DOCK9: variants seen among roughly 807,000 people sequenced by gnomAD.
DOCK9 encodes the protein dedicator of cytokinesis 9.
A neutral mutation model predicts 263.3 loss-of-function variants in DOCK9; 89 were observed. That is an observed-to-expected ratio of 0.34 (90% CI 0.28 to 0.40). The LOEUF (loss-of-function observed/expected upper bound fraction) is 0.40, where lower values mean the gene tolerates loss of function less well. Among genes scored for constraint, DOCK9 ranks in the 10% least tolerant of loss-of-function variants. The pLI, the probability that DOCK9 is intolerant of heterozygous loss-of-function variation, is 1.00. For missense variants in DOCK9, 2,140 were observed against 2,603.4 expected (o/e 0.82, Z 3.87); for synonymous variants, 976 against 973.1 (o/e 1.00, Z -0.06).
At chr13:98,901,700 T>C in intron 13 of DOCK9, 78 bp downstream of exon 13, 1 of 1,479,624 alleles carries the variant, frequency 6.8e-7, no homozygotes, top group African/African-American at 1.4e-5. Flanking sequence ...TTTGATTTCA[T>C]TAAGGATTTA....
At chr13:98,950,598 C>T (rs891048331) in intron 2 of DOCK9, among the ~76,000 whole-genome samples, 8 of 152,198 alleles carry the variant, frequency 5.3e-5, no homozygotes, top group African/African-American at 1.7e-4. Flanking sequence ...CCAACGAACC[C>T]GGCCCAACAC....
chr13:98,971,884 T>C (rs901965846), intron 1 of DOCK9, among the ~76,000 whole-genome samples: 2 of 152,214 alleles, frequency 1.3e-5, no homozygotes, highest in South Asian at 2.1e-4. Context: ...ATGACCACCA[T>C]TGTCTTCATG....
chr13:98,976,606 G>A (rs1389315458), intron 1 of DOCK9, among the ~76,000 whole-genome samples: 2 of 152,216 alleles, frequency 1.3e-5, no homozygotes, highest in East Asian at 3.8e-4. Context: ...AGAGAAGTGG[G>A]CTATTATATT....
chr13:98,968,085 G>T (rs1449538209), intron 1 of DOCK9, among the ~76,000 whole-genome samples: 1 of 152,134 alleles, frequency 6.6e-6, no homozygotes, highest in East Asian at 1.9e-4. Flanking sequence ...TGATCGGTGT[G>T]GTAGCTACTA....
intron 1 of DOCK9, among the ~76,000 whole-genome samples, chr13:98,961,280 G>A (rs2141115795): frequency 6.6e-6 from 1 of 152,312 alleles, no homozygotes; most frequent in South Asian, 2.1e-4. Context: ...GCAGATGCAA[G>A]GTTTCCAGTC....
intron 9 of DOCK9, among the ~76,000 whole-genome samples, chr13:98,912,154 G>A (rs1252710507): frequency 9.2e-5 from 14 of 152,122 alleles, no homozygotes; most frequent in Non-Finnish European, 1.5e-4. Flanking sequence ...TTACAGGCAT[G>A]AGCCACTATG....
At chr13:99,071,750 A>G (rs1382483697) in intron 1 of DOCK9, among the ~76,000 whole-genome samples, 2 of 152,148 alleles carry the variant, frequency 1.3e-5, no homozygotes, top group Non-Finnish European at 2.9e-5. Flanking sequence ...TCTATATAGT[A>G]CCAATCCTTC....
At chr13:98,833,757 A>AACT (rs1452934022) in intron 39 of DOCK9, among the ~76,000 whole-genome samples, 1 of 152,198 alleles carries the variant, frequency 6.6e-6, no homozygotes, top group Non-Finnish European at 1.5e-5. Context: ...CCGGTTTCCT[A>AACT]ACTACTTGCT....
chr13:98,831,435 C>T lies in DOCK9; in HGVS notation c.4548G>A (p.Arg1516=), dbSNP rs267603875. 4 of 1,600,616 alleles carry T rather than the reference C, an allele frequency of 2.5e-6. No individual in the cohort carries two copies. Among genetic ancestry groups the T allele is most frequent in the Non-Finnish European group, 3.4e-6 (4 of 1,173,184 alleles). The change falls in exon 41 of 53, where the codon AGG becomes AGA. Residue 1516 remains arginine, a synonymous_variant. Transcript: ENST00000682017. ...KCCNSKLSSI[R]TEASQLLYFL... ...AGTAGAGCAGCTGGGAGGCCTCCGT[C>T]CTGATGGAGCTCAGCTTGGAGTTAC...
chr13:99,074,538 C>T (rs1487709742), intron 1 of DOCK9, among the ~76,000 whole-genome samples: 1 of 152,202 alleles, frequency 6.6e-6, no homozygotes, highest in African/African-American at 2.4e-5. Flanking sequence ...TCGCCCCACT[C>T]CGTGCCCAGC....
intron 27 of DOCK9, among the ~76,000 whole-genome samples, chr13:98,878,624 C>T (rs533077970): frequency 1.3e-5 from 2 of 152,344 alleles, no homozygotes; most frequent in African/African-American, 4.8e-5. Context: ...GCTGCTCTGG[C>T]ATGATTTAGA....
intron 49 of DOCK9, among the ~76,000 whole-genome samples, chr13:98,802,448 G>A (rs1458881156): frequency 6.6e-6 from 1 of 152,214 alleles, no homozygotes; most frequent in Non-Finnish European, 1.5e-5. Context: ...GGAGGACGGG[G>A]AAGGCCCAGT....
At chr13:98,994,183 AGCTGGGGTGCC>A (rs1880470422) in intron 1 of DOCK9, among the ~76,000 whole-genome samples, 1 of 152,270 alleles carries the variant, frequency 6.6e-6, no homozygotes, top group African/African-American at 2.4e-5. Flanking sequence ...TCCCAACAGA[AGCTGGGGTGCC>A]TACCATCTCC....
chr13:98,813,302 G>A (rs1031604541), intron 45 of DOCK9, among the ~76,000 whole-genome samples: 2 of 152,090 alleles, frequency 1.3e-5, no homozygotes, highest in Admixed American at 6.5e-5. Flanking sequence ...CCAATTTTAG[G>A]GGCAAAGCAT....
chr13:98,876,157 C>T (rs1208069089), intron 27 of DOCK9, among the ~76,000 whole-genome samples: 1 of 152,196 alleles, frequency 6.6e-6, no homozygotes, highest in Non-Finnish European at 1.5e-5. Context: ...GGCCCAGGTG[C>T]TCCTACAACA....
In DOCK9 at chr13:98,878,708, A is replaced by G. The variant is rs1465457266; in HGVS notation, c.2943+1190T>C. On this transcript the variant is annotated intron_variant, in intron 27 of 52. Transcript: ENST00000682017. ...CCTATGCACTAAAATCAGAAGCTCT[A>G]AACTGGATTCAAAAGAGAGAGACAG... is the stretch of plus-strand genomic sequence containing the variant. 2.0e-5 allele frequency among the ~76,000 whole-genome samples: 3 copies of G among 152,336 alleles called. No homozygotes were observed. In the East Asian group the frequency reaches 5.8e-4, roughly 29 times the overall value.
At chr13:98,932,086 T>C (rs962742978) in intron 2 of DOCK9, among the ~76,000 whole-genome samples, 11 of 152,216 alleles carry the variant, frequency 7.2e-5, no homozygotes, top group Admixed American at 5.2e-4. Context: ...CTGTAACCCT[T>C]AGGTACTATT....
chr13:98,850,561 T>C (rs528788282), intron 35 of DOCK9, among the ~76,000 whole-genome samples: 2 of 152,346 alleles, frequency 1.3e-5, no homozygotes, highest in African/African-American at 4.8e-5. Context: ...CTGAACAATA[T>C]AGCTTGGATC....
intron 20 of DOCK9, 131 bp from the exon 21 acceptor site, chr13:98,885,223 G>A: frequency 8.0e-7 from 1 of 1,255,848 alleles, no homozygotes; most frequent in African/African-American, 1.5e-5. Context: ...AATTTAAAAT[G>A]CCCTAAATGT....
Sources: gnomAD v4.1 joint callset for allele counts (sites outside exome capture counted in the v4.1 genomes callset) on GRCh38, gnomAD v4.1.1 for gene constraint, MANE v1.5 for transcripts, NCBI Gene and HGNC (gene_info 2026-07-23, HGNC 2026-07-21) for gene names.